Variants in VPS13B observed in about 807,000 individuals in gnomAD.
VPS13B encodes intermembrane lipid transfer protein VPS13B.
VPS13B carries 285 observed loss-of-function variants against 426.4 expected under a neutral mutation model. The ratio of observed to expected loss-of-function variants is 0.67; its 90% CI spans 0.61 to 0.74. The LOEUF (loss-of-function observed/expected upper bound fraction) is 0.74, where lower values mean the gene tolerates loss of function less well. VPS13B is among the 30% of genes least tolerant of loss of function. The pLI is 0.00. For missense variants in VPS13B, 4,537 were observed against 4,782.6 expected, an observed-to-expected ratio of 0.95 and a Z score of 1.51; for synonymous variants, 1,676 against 1,676.4, an observed-to-expected ratio of 1.00 and a Z score of 0.01.
At chr8:99,540,695 A>T (rs2133724944) in intron 30 of VPS13B, among the ~76,000 whole-genome samples, 1 of 152,298 alleles carries the variant, frequency 6.6e-6, no homozygotes, top group Admixed American at 6.5e-5. Flanking sequence ...TATCAGTAAA[A>T]TAATATTCTA....
At chr8:99,242,513 A>G (rs1816988832) in intron 17 of VPS13B, among the ~76,000 whole-genome samples, 1 of 152,178 alleles carries the variant, frequency 6.6e-6, no homozygotes, top group Non-Finnish European at 1.5e-5. Context: ...AAATGGAGCA[A>G]AGTAGTTCAA....
intron 16 of VPS13B, among the ~76,000 whole-genome samples, chr8:99,170,952 G>T (rs1464272978): frequency 1.3e-5 from 2 of 151,446 alleles, no homozygotes; most frequent in African/African-American, 2.4e-5. Context: ...ATAACCTTTA[G>T]AAAATTAGCA....
At chr8:99,089,941 T>C (rs986836911) in intron 3 of VPS13B, among the ~76,000 whole-genome samples, 1 of 152,118 alleles carries the variant, frequency 6.6e-6, no homozygotes, top group Admixed American at 6.6e-5. Flanking sequence ...GGGTAGAATT[T>C]GGTGTCTTAT....
At chr8:99,492,607 C>T (rs554091939) in intron 25 of VPS13B, among the ~76,000 whole-genome samples, 56 of 152,334 alleles carry the variant, frequency 3.7e-4, no homozygotes, top group South Asian at 6.2e-4. Flanking sequence ...GCTCCTGCCT[C>T]GCAGGTTGAT....
rs531841483 is a variant in VPS13B at position 99,761,072 on chromosome 8, G to A, written c.7051-5702G>A. ...TATAATGGGAAAAAAGAATAAGTAC[G>A]TGACTTTTATACATGTATTTAAAGG... On this transcript the variant is annotated intron_variant, in intron 39 of 61. Transcript: ENST00000357162. Among the ~76,000 whole-genome samples, 3 of 152,256 alleles carry A rather than the reference G, an allele frequency of 2.0e-5. No homozygotes were observed. The East Asian group carries it at 5.8e-4, about 29-fold the overall frequency.
chr8:99,209,766 A>C, intron 17 of VPS13B: 1 of 918,298 alleles, frequency 1.1e-6, no homozygotes, highest in Non-Finnish European at 1.3e-6. Context: ...AATGGCTCAC[A>C]TATTAAATAT....
chr8:99,370,746 A>T lies in VPS13B; in HGVS notation c.2825-13462A>T, dbSNP rs1234014623. On this transcript the variant is annotated intron_variant, in intron 19 of 61. Transcript: ENST00000357162. The stretch of plus-strand genomic sequence containing the variant: ...TGCCTCAGCCTCCCAAGTAGCTGGG[A>T]CTACAGGCGTGTACCACCATGCCCG... 2.6e-5 allele frequency among the ~76,000 whole-genome samples: 4 copies of T among 151,500 alleles called. No homozygotes were observed. The South Asian group carries it at 8.4e-4, about 32-fold the overall frequency.
chr8:99,655,632 T>G (rs1563847159), intron 34 of VPS13B, among the ~76,000 whole-genome samples: 1 of 152,194 alleles, frequency 6.6e-6, no homozygotes, highest in Admixed American at 6.5e-5. Context: ...CCAAGGTGTC[T>G]CCATCCTTCC....
At chr8:99,833,396 T>C (rs1815196425) in intron 52 of VPS13B, among the ~76,000 whole-genome samples, 1 of 152,270 alleles carries the variant, frequency 6.6e-6, no homozygotes, top group Non-Finnish European at 1.5e-5. Flanking sequence ...CTTATTTTCA[T>C]GATTATGAAT....
intron 14 of VPS13B, among the ~76,000 whole-genome samples, chr8:99,156,313 A>T (rs959912511): frequency 6.6e-6 from 1 of 152,246 alleles, no homozygotes; most frequent in African/African-American, 2.4e-5. Flanking sequence ...GCTTGAGCTG[A>T]AAGGGCAATG....
intron 36 of VPS13B, among the ~76,000 whole-genome samples, chr8:99,716,166 G>A (rs559058068): frequency 3.9e-5 from 6 of 152,242 alleles, no homozygotes; most frequent in African/African-American, 1.4e-4. Flanking sequence ...GATGCCTTCT[G>A]TGGAGGATTA....
At chr8:99,475,327 C>G (rs3134162) in intron 24 of VPS13B, among the ~76,000 whole-genome samples, 26,503 of 152,062 alleles carry the variant, frequency 0.17, 2,833 homozygotes, top group East Asian at 0.39. Context: ...GTAGCTCAGT[C>G]TCTCTCTAAA....
chr8:99,875,439 C>T lies in VPS13B; in HGVS notation c.11767C>T (p.Leu3923=). ...CTAGGTAGATGGAGTCCGAGAGAGA[C>T]TGTCAGAGCAACAGTACAACAGACT... ...DVEVDGVRER[L]SEQQYNRLVD... The change falls in exon 62 of 62, where the codon CTG becomes TTG. Residue 3923 remains leucine, a synonymous_variant. Coordinates refer to ENST00000357162, the MANE Select transcript of VPS13B (RefSeq NM_152564.5). The T allele has an allele frequency of 6.2e-7, 1 of 1,614,214 alleles. No homozygotes were observed. The highest frequency in any genetic ancestry group is 8.5e-7 in the Non-Finnish European group (1 of 1,180,036).
intron 31 of VPS13B, among the ~76,000 whole-genome samples, chr8:99,575,422 G>A (rs574157176): frequency 2.6e-5 from 4 of 152,282 alleles, no homozygotes; most frequent in Non-Finnish European, 4.4e-5. Flanking sequence ...GTCCTGGGAT[G>A]ATACTAATAT....
intron 25 of VPS13B, among the ~76,000 whole-genome samples, chr8:99,490,477 A>G (rs1820546841): frequency 6.6e-6 from 1 of 152,138 alleles, no homozygotes; most frequent in South Asian, 2.1e-4. Flanking sequence ...GAAGGAATGG[A>G]ACCAGGTCCT....
Position 99,642,354 on chromosome 8 carries a change from G to A in VPS13B, c.5764G>A (p.Gly1922Ser). ...TCGGCAGCCTGGTCGAAGAGGAACT[G>A]GTGACTTACAGCTAGAGCCTTTTCT... ...IVRQPGRRGT[G>S]DLQLEPFLYF... Residue 1922 changes from glycine (G) to serine (S), a missense_variant, in exon 34 of 62, where the codon GGT becomes AGT. By Grantham distance (56) the Gly-to-Ser change is moderately conservative. Transcript: ENST00000357162. The A allele has an allele frequency of 6.2e-7, 1 of 1,614,114 alleles. No homozygotes were observed. Among genetic ancestry groups the A allele is most frequent in the Non-Finnish European group, 8.5e-7 (1 of 1,179,984 alleles).
chr8:99,441,898 T>C (rs1480995323), intron 22 of VPS13B, among the ~76,000 whole-genome samples: 3 of 152,184 alleles, frequency 2.0e-5, no homozygotes, highest in Non-Finnish European at 4.4e-5. Flanking sequence ...TGAAAGTATG[T>C]GATATAAACA....
chr8:99,825,523 C>T (rs1814632632), intron 51 of VPS13B, among the ~76,000 whole-genome samples: 1 of 152,142 alleles, frequency 6.6e-6, no homozygotes, highest in African/African-American at 2.4e-5. Flanking sequence ...TGTAGGTTGC[C>T]TGTTCATTCT....
chr8:99,245,768 T>A (rs78954916), intron 17 of VPS13B, among the ~76,000 whole-genome samples: 1 of 152,144 alleles, frequency 6.6e-6, no homozygotes, highest in East Asian at 1.9e-4. Flanking sequence ...GGCCTCAAAC[T>A]CCTGGCCTCA....
Sources: gnomAD v4.1 joint callset for allele counts (sites outside exome capture counted in the v4.1 genomes callset) on GRCh38, gnomAD v4.1.1 for gene constraint, MANE v1.5 for transcripts, NCBI Gene and HGNC (gene_info 2026-07-23, HGNC 2026-07-21) for gene names.